Variants in ZNF33B observed in about 807,000 individuals in gnomAD.
ZNF33B encodes zinc finger protein 33B, also known as zinc finger protein 11b (KOX 2).
A neutral mutation model predicts 45.8 loss-of-function variants in ZNF33B; 29 were observed. The observed-to-expected ratio is 0.63, with a 90% confidence interval of 0.47 to 0.86. The LOEUF is 0.86. ZNF33B is among the 40% of genes least tolerant of loss of function. ZNF33B has a pLI of 0.00. For synonymous variants in ZNF33B, 305 were observed against 307.8 expected (o/e 0.99, Z 0.10); for missense variants, 831 against 909.9 (o/e 0.91, Z 1.12).
chr10:42,594,786 A>G lies in ZNF33B; in HGVS notation c.251-87T>C, dbSNP rs1489496777. 2.7e-5 allele frequency: 38 copies of G among 1,402,440 alleles called. No individual in the cohort carries two copies. In the Admixed American group the frequency reaches 1.0e-3, roughly 39 times the overall value. The allele number at this position is 1,402,440 out of a possible 1,614,324, so 86.9% of individuals were successfully genotyped here. On this transcript the variant is annotated intron_variant, in intron 4 of 4. Transcript: ENST00000359467. ...TCTCTACACAAATGCCCTATGTTGT[A>G]GCTGACTCTGGTTTTTTGGCCAATT...
downstream of ZNF33B, among the ~76,000 whole-genome samples, chr10:42,586,428 C>A (rs1421476796): frequency 6.6e-6 from 1 of 151,784 alleles, no homozygotes; most frequent in Admixed American, 6.6e-5. Context: ...GGATTACAGG[C>A]ATGAGCCACA....
chr10:42,591,283 A>G lies in ZNF33B; in HGVS notation c.*1330T>C, dbSNP rs1837110811. On this transcript the variant is annotated 3_prime_UTR_variant, in exon 5 of 5. Transcript: ENST00000359467. ...TGTCTTGGAGAGCAGCTGCTTAAAG[A>G]AAATTTGGACTATCACTTACGCTGA... The G allele has an allele frequency of 1.1e-6, 1 of 917,114 alleles. No homozygotes were observed. The highest frequency in any genetic ancestry group is 1.3e-6 in the Non-Finnish European group (1 of 768,180). 56.8% of individuals were successfully genotyped at this position (917,114 alleles called of 1,614,324 possible). A position where few individuals can be genotyped will look rare whatever the true frequency, so the allele number is the denominator to read the frequency against.
At chr10:42,627,008 C>CTTTTTTTTTTTTTT (rs111639981) in intron 4 of ZNF33B, among the ~76,000 whole-genome samples, 1 of 145,404 alleles carries the variant, frequency 6.9e-6, no homozygotes, top group African/African-American at 2.5e-5. Flanking sequence ...TGTCATTTTT[C>CTTTTTTTTTTTTTT]TTTTTTTTTT....
intron 2 of ZNF33B, among the ~76,000 whole-genome samples, chr10:42,635,295 G>A (rs1192345894): frequency 6.6e-6 from 1 of 151,906 alleles, no homozygotes; most frequent in African/African-American, 2.4e-5. Context: ...AGGCCAAAAG[G>A]TTCCTGTCAC....
chr10:42,605,636 T>C (rs1837809236), intron 4 of ZNF33B, among the ~76,000 whole-genome samples: 1 of 152,052 alleles, frequency 6.6e-6, no homozygotes, highest in Non-Finnish European at 1.5e-5. Context: ...CTCCAAACAC[T>C]AGATCAAATC....
At chr10:42,632,476 G>A in intron 2 of ZNF33B, 37 bp from the exon 3 acceptor site, 4 of 1,605,734 alleles carry the variant, frequency 2.5e-6, no homozygotes, top group Non-Finnish European at 2.5e-6. Flanking sequence ...GAAAAAAGAA[G>A]TATGGGCTAA....
chr10:42,601,173 C>T (rs138815632), intron 4 of ZNF33B, among the ~76,000 whole-genome samples: 210 of 152,218 alleles, frequency 1.4e-3, no homozygotes, highest in South Asian at 8.3e-3. Context: ...TGCCTTTGTT[C>T]CTCCATAAAA....
At chr10:42,605,815 G>A (rs1837818602) in intron 4 of ZNF33B, among the ~76,000 whole-genome samples, 2 of 152,162 alleles carry the variant, frequency 1.3e-5, no homozygotes, top group African/African-American at 4.8e-5. Context: ...AATAAGGCAG[G>A]CTAGGCATGG....
At chr10:42,588,631 C>T (rs1836985127), downstream of ZNF33B, among the ~76,000 whole-genome samples, 1 of 152,138 alleles carries the variant, frequency 6.6e-6, no homozygotes, top group African/African-American at 2.4e-5. Context: ...AGGAGGACAC[C>T]ACATGCCGGG....
chr10:42,604,998 T>A (rs1323308808), intron 4 of ZNF33B, among the ~76,000 whole-genome samples: 4 of 148,754 alleles, frequency 2.7e-5, no homozygotes, highest in Non-Finnish European at 4.5e-5. Flanking sequence ...TCAATAGAGA[T>A]TAAGTAATCT....
rs143073646 is a variant in ZNF33B, at chr10:42,601,433, A to C, written c.251-6734T>G. Among the ~76,000 whole-genome samples, 62 of 149,924 alleles carry C rather than the reference A, an allele frequency of 4.1e-4. No individual in the cohort carries two copies. In the East Asian group the frequency reaches 0.012, roughly 28 times the overall value. ...TCCATGTGTGTTAAGAGACTACCTG[A>C]AGTCCTGAAGTTCTCCTAAAGCTCA... On this transcript the variant is annotated intron_variant, in intron 4 of 4. Transcript: ENST00000359467.
In ZNF33B at chr10:42,594,495, A is replaced by G. The variant is rs760051756; in HGVS notation, c.455T>C (p.Val152Ala). 6.2e-7 allele frequency: 1 copy of G among 1,613,158 alleles called. No homozygotes were observed. The highest frequency in any genetic ancestry group is 1.7e-5 in the Admixed American group (1 of 59,884). The change falls in exon 5 of 5, where the codon GTT becomes GCT. Residue 152 changes from valine to alanine, a missense_variant. Physicochemically the swap from Val to Ala is moderately conservative, Grantham distance 64. Transcript: ENST00000359467. ...YDSRGMSFNT[V>A]SELVISKINY... ...TATCTTACTGATAACCAATTCTGAA[A>G]CAGTGTTGAAACTCATTCCACGTGA...
chr10:42,598,252 G>A (rs1480898345), intron 4 of ZNF33B, among the ~76,000 whole-genome samples: 1 of 152,228 alleles, frequency 6.6e-6, no homozygotes, highest in African/African-American at 2.4e-5. Flanking sequence ...GAAAGCTGGA[G>A]GTTACTGTCC....
Position 42,594,065 on chromosome 10 carries a change from C to T in ZNF33B, c.885G>A (p.Gly295=). 2 of 1,614,004 alleles carry T rather than the reference C, an allele frequency of 1.2e-6. No individual in the cohort carries two copies. Among genetic ancestry groups the T allele is most frequent in the South Asian group, 1.1e-5 (1 of 91,082 alleles). The change falls in exon 5 of 5, where the codon GGG becomes GGA. Residue 295 remains glycine, a synonymous_variant. Coordinates refer to ENST00000359467, the MANE Select transcript of ZNF33B (RefSeq NM_006955.3). ...CVKSTLSKHD[G]VPVKHYDCGE... ...CACAATCATAGTGTTTCACAGGTAC[C>T]CCATCATGTTTAGAAAGGGTGGACT...
At position 42,592,926 on chromosome 10, in the gene ZNF33B, C is replaced by A; in HGVS notation, c.2024G>T (p.Cys675Phe). 6.2e-7 allele frequency: 1 copy of A among 1,613,776 alleles called. No individual in the cohort carries two copies. The highest frequency in any genetic ancestry group is 2.2e-5 in the East Asian group (1 of 44,820). The change falls in exon 5 of 5, where the codon TGT becomes TTT. Residue 675 changes from cysteine (C) to phenylalanine (F), a missense_variant. By Grantham distance (205) the Cys-to-Phe change is radical. Transcript: ENST00000359467. ...ATGTAAAATAAGTCCTGACTTCACACAGAAAGATTTTCCACATTCGTTACA... is the reference window on the plus strand; with the variant it reads ...ATGTAAAATAAGTCCTGACTTCACAAAGAAAGATTTTCCACATTCGTTACA... ...YKCNECGKSF[C>F]VKSGLILHER... is the part of the protein sequence containing the mutation.
chr10:42,579,675 T>C (rs780402595), intron 1 of ZNF33B: 1 of 152,888 alleles, frequency 6.5e-6, no homozygotes, highest in Admixed American at 6.5e-5. Context: ...AACAAATCCT[T>C]CCCATGGCTT....
intron 1 of ZNF33B, among the ~76,000 whole-genome samples, chr10:42,575,271 T>A (rs1004546715): frequency 2.6e-5 from 4 of 152,076 alleles, no homozygotes; most frequent in African/African-American, 9.7e-5. Flanking sequence ...AGGTGGTTGG[T>A]TCACATGCAT....
At chr10:42,586,333 T>C (rs946672660), downstream of ZNF33B, among the ~76,000 whole-genome samples, 3 of 152,102 alleles carry the variant, frequency 2.0e-5, no homozygotes, top group African/African-American at 7.2e-5. Flanking sequence ...GTATTTTTAG[T>C]AGAGACGGGG....
At chr10:42,610,360 AC>A (rs1838049993) in intron 4 of ZNF33B, among the ~76,000 whole-genome samples, 1 of 152,126 alleles carries the variant, frequency 6.6e-6, no homozygotes, top group Non-Finnish European at 1.5e-5. Flanking sequence ...ACATGGTGAA[AC>A]CCTGTCTCTA....
Sources: allele counts gnomAD v4.1 joint callset (sites outside exome capture counted in the v4.1 genomes callset), GRCh38; gene constraint gnomAD v4.1.1; transcripts MANE v1.5; gene names NCBI Gene and HGNC (gene_info 2026-07-23, HGNC 2026-07-21).